Variants in PIGU observed in about 807,000 individuals in gnomAD.
PIGU encodes the protein phosphatidylinositol glycan anchor biosynthesis class U, also known as GPI-anchor transamidase component PIGU.
In PIGU, 24 loss-of-function variants were observed where a neutral mutation model predicts 49.9. The observed-to-expected ratio is 0.48, with a 90% CI of 0.35 to 0.68. The LOEUF is 0.68. PIGU is among the 30% of genes least tolerant of loss of function. The probability of loss-of-function intolerance (pLI) is 0.01; values close to 1 mark genes in which losing one functional copy is unlikely to be tolerated. For missense variants in PIGU, 490 were observed against 532.6 expected (o/e 0.92, Z 0.79); for synonymous variants, 220 against 205.7 (o/e 1.07, Z -0.59).
intron 6 of PIGU, among the ~76,000 whole-genome samples, chr20:34,621,393 G>A (rs1422061730): frequency 6.6e-6 from 1 of 151,638 alleles, no homozygotes; most frequent in Non-Finnish European, 1.5e-5. Context: ...AATAGTGGTT[G>A]AGGGTTTGTT....
chr20:34,629,633 T>G (rs1231794057), intron 6 of PIGU, among the ~76,000 whole-genome samples: 1 of 152,234 alleles, frequency 6.6e-6, no homozygotes, highest in Non-Finnish European at 1.5e-5. Flanking sequence ...AAACACTTGT[T>G]GTTGTTTTAA....
rs140625384 is a variant in PIGU at position 34,605,564 on chromosome 20, T to C, written c.627+10478A>G. 7.9e-5 allele frequency among the ~76,000 whole-genome samples: 12 copies of C among 152,332 alleles called. No individual in the cohort carries two copies. In the East Asian group the frequency reaches 2.3e-3, roughly 29 times the overall value. On this transcript the variant is annotated intron_variant, in intron 7 of 11. Coordinates refer to ENST00000217446, the MANE Select transcript of PIGU (RefSeq NM_080476.5). ...CTATCAAGCCCTCATCAGACTCTGT[T>C]CTAAACACTTGACATGTATTAACCC...
At chr20:34,606,134 A>G (rs556848012) in intron 7 of PIGU, among the ~76,000 whole-genome samples, 58 of 152,070 alleles carry the variant, frequency 3.8e-4, no homozygotes, top group African/African-American at 1.3e-3. Context: ...AGGTGCCTGT[A>G]GTCCCAGCTA....
intron 7 of PIGU, among the ~76,000 whole-genome samples, chr20:34,612,002 T>C (rs1318410455): frequency 6.6e-6 from 1 of 152,164 alleles, no homozygotes; most frequent in Non-Finnish European, 1.5e-5. Flanking sequence ...AGCAATCCCA[T>C]TACTGGATAT....
chr20:34,628,520 T>C (rs1039453375), intron 6 of PIGU, among the ~76,000 whole-genome samples: 24 of 152,142 alleles, frequency 1.6e-4, no homozygotes, highest in African/African-American at 5.8e-4. Flanking sequence ...GGTTAAAGAA[T>C]TTCTATATTC....
intron 1 of PIGU, among the ~76,000 whole-genome samples, chr20:34,660,311 G>A (rs1802511208): frequency 6.6e-6 from 1 of 152,138 alleles, no homozygotes; most frequent in Non-Finnish European, 1.5e-5. Context: ...TTTTACATGG[G>A]CGGTGGTTCA....
chr20:34,636,862 T>G (rs1186007070), intron 5 of PIGU, among the ~76,000 whole-genome samples: 2 of 152,214 alleles, frequency 1.3e-5, no homozygotes, highest in Non-Finnish European at 2.9e-5. Flanking sequence ...GCGGTTTTTT[T>G]CAGCAATTAC....
At chr20:34,640,756 T>A (rs1414833326) in intron 4 of PIGU, among the ~76,000 whole-genome samples, 1 of 152,196 alleles carries the variant, frequency 6.6e-6, no homozygotes, top group Non-Finnish European at 1.5e-5. Context: ...GTAAGTTATA[T>A]TAAAAAATCA....
intron 1 of PIGU, among the ~76,000 whole-genome samples, chr20:34,672,282 G>A (rs887414572): frequency 6.6e-5 from 10 of 152,230 alleles, no homozygotes; most frequent in East Asian, 3.9e-4. Context: ...CAAATAAACC[G>A]ATGGATTTGT....
chr20:34,570,423 A>ATTTTTTT lies in PIGU; in HGVS notation c.1194+4674_1194+4680dup, dbSNP rs748089105. Among the ~76,000 whole-genome samples, 192 of 149,562 alleles carry ATTTTTTT rather than the reference A, an allele frequency of 1.3e-3. 2 individuals are homozygous for ATTTTTTT. The highest frequency in any genetic ancestry group is 1.6e-3 in the African/African-American group (67 of 40,872). ...ACATGAGCCACTGTTATTTATTTTTATTTTTTTTTGAGACACAGTCTCGCT... is the reference window on the plus strand; with the variant it reads ...ACATGAGCCACTGTTATTTATTTTTATTTTTTTTTTTTTTTTGAGACACAGTCTCGCT... On this transcript the variant is annotated intron_variant, in intron 11 of 11. Transcript: ENST00000217446.
At chr20:34,622,154 T>C (rs1985260101) in intron 6 of PIGU, among the ~76,000 whole-genome samples, 1 of 152,184 alleles carries the variant, frequency 6.6e-6, no homozygotes, top group Admixed American at 6.5e-5. Flanking sequence ...ACTCAACGTT[T>C]CGTGAAAATT....
intron 4 of PIGU, among the ~76,000 whole-genome samples, chr20:34,641,038 C>T (rs927740620): frequency 4.6e-5 from 7 of 152,196 alleles, no homozygotes; most frequent in South Asian, 4.2e-4. Flanking sequence ...GGATTACAGG[C>T]GCCCACCACC....
chr20:34,606,577 T>A (rs1228486282), intron 7 of PIGU, among the ~76,000 whole-genome samples: 4 of 152,168 alleles, frequency 2.6e-5, no homozygotes, highest in Non-Finnish European at 5.9e-5. Flanking sequence ...AAACCAAAAC[T>A]CAGATCTTAA....
chr20:34,656,345 C>A (rs1487854155), intron 2 of PIGU, among the ~76,000 whole-genome samples: 1 of 99,310 alleles, frequency 1.0e-5, no homozygotes, highest in Non-Finnish European at 2.0e-5. Flanking sequence ...TGCAGTGGTG[C>A]GATCTCGGCT....
chr20:34,660,402 T>C (rs976637154), intron 1 of PIGU, among the ~76,000 whole-genome samples: 2 of 152,156 alleles, frequency 1.3e-5, no homozygotes, highest in East Asian at 1.9e-4. Flanking sequence ...CTGGCCAACA[T>C]GGCAAAACCC....
chr20:34,640,462 T>C (rs1986114482), intron 4 of PIGU, among the ~76,000 whole-genome samples: 1 of 151,186 alleles, frequency 6.6e-6, no homozygotes, highest in African/African-American at 2.4e-5. Context: ...CTAAAATCAA[T>C]GGAAATTTTT....
chr20:34,637,354 C>T (rs958048343), intron 5 of PIGU, among the ~76,000 whole-genome samples: 2 of 152,174 alleles, frequency 1.3e-5, no homozygotes, highest in African/African-American at 4.8e-5. Flanking sequence ...CAAAAGAGTA[C>T]AACTTAATGG....
intron 1 of PIGU, among the ~76,000 whole-genome samples, chr20:34,659,237 G>C (rs1373362832): frequency 2.2e-5 from 2 of 91,428 alleles, no homozygotes; most frequent in Admixed American, 1.1e-4. Flanking sequence ...CAGCCGCCCC[G>C]TCCGGGAGGG....
chr20:34,587,568 C>T (rs1439709159), intron 8 of PIGU, among the ~76,000 whole-genome samples: 1 of 152,168 alleles, frequency 6.6e-6, no homozygotes, highest in African/African-American at 2.4e-5. Flanking sequence ...ATTCACCACA[C>T]TGTGCTAGTA....
Sources: gnomAD v4.1 joint callset for allele counts (sites outside exome capture counted in the v4.1 genomes callset) on GRCh38, gnomAD v4.1.1 for gene constraint, MANE v1.5 for transcripts, NCBI Gene and HGNC (gene_info 2026-07-23, HGNC 2026-07-21) for gene names.